The following ARHGAP32 variants were observed in gnomAD, a reference collection of about 807,000 sequenced individuals.
ARHGAP32 encodes the protein rho GTPase-activating protein 32.
In ARHGAP32, 51 loss-of-function variants were observed where a neutral mutation model predicts 186.5. The observed-to-expected ratio is 0.27, with a 90% CI of 0.22 to 0.35. ARHGAP32 has a LOEUF of 0.35. Among genes scored for constraint, ARHGAP32 ranks in the 10% least tolerant of loss-of-function variants. The pLI is 1.00. For synonymous variants in ARHGAP32, 950 were observed against 964.3 expected, an observed-to-expected ratio of 0.99 and a Z score of 0.27; for missense variants, 2,186 against 2,623.5, an observed-to-expected ratio of 0.83 and a Z score of 3.64.
chr11:129,245,916 T>C (rs1945090351), intron 1 of ARHGAP32, among the ~76,000 whole-genome samples: 1 of 152,144 alleles, frequency 6.6e-6, no homozygotes, highest in South Asian at 2.1e-4. Flanking sequence ...TATTGGAAGT[T>C]ATTTCACAGT....
intron 19 of ARHGAP32, 81 bp downstream of exon 19, chr11:128,978,689 T>C (rs1945622670): frequency 7.7e-6 from 11 of 1,434,090 alleles, no homozygotes; most frequent in Non-Finnish European, 1.0e-5. Flanking sequence ...AAGCAGATCA[T>C]AACAATATGT....
At chr11:129,252,027 A>G (rs773549585) in intron 1 of ARHGAP32, among the ~76,000 whole-genome samples, 16 of 152,032 alleles carry the variant, frequency 1.1e-4, no homozygotes, top group Non-Finnish European at 2.2e-4. Context: ...AGTAAATAAT[A>G]ATATCAACTA....
Position 128,972,853 on chromosome 11 carries a change from G to A in ARHGAP32, c.3653C>T (p.Pro1218Leu), listed in dbSNP as rs779839708. 30 of 1,613,882 alleles carry A rather than the reference G, an allele frequency of 1.9e-5. No individual in the cohort carries two copies. The highest frequency in any genetic ancestry group is 2.4e-5 in the Non-Finnish European group (28 of 1,180,022). The stretch of plus-strand genomic sequence containing the variant: ...CTGATCTCCACTGTAGAAACGGGGT[G>A]GAGACTGGTCCTGATCCAAGAAGGA... ...TVSFLDQDQS[P>L]PRFYSGDQPP... Residue 1218 changes from proline to leucine, a missense_variant, in exon 22 of 23, where the codon CCA (proline) becomes CTA (leucine). Around this residue, in one of 5 missense-constraint regions of ARHGAP32, gnomAD observed 1,502 missense variants for 1,570.0 expected, o/e 0.96. Transcript: ENST00000682385.
chr11:129,096,012 T>C (rs1443060011), intron 5 of ARHGAP32, among the ~76,000 whole-genome samples: 2 of 152,150 alleles, frequency 1.3e-5, no homozygotes, highest in Admixed American at 1.3e-4. Flanking sequence ...CAAATACAGA[T>C]CAGCCTGATG....
chr11:128,982,015 C>A, intron 15 of ARHGAP32, 79 bp from the exon 16 acceptor site: 1 of 924,136 alleles, frequency 1.1e-6, no homozygotes, highest in Admixed American at 3.0e-5. Context: ...TAATTAATTC[C>A]TAAGTTTGCA....
chr11:129,051,092 G>T (rs143207009), intron 10 of ARHGAP32, among the ~76,000 whole-genome samples: 339 of 152,294 alleles, frequency 2.2e-3, no homozygotes, highest in African/African-American at 8.0e-3. Flanking sequence ...GAACAATGCT[G>T]CAATAAACAT....
intron 1 of ARHGAP32, among the ~76,000 whole-genome samples, chr11:129,212,855 T>G (rs1361293953): frequency 6.6e-6 from 1 of 151,972 alleles, no homozygotes; most frequent in African/African-American, 2.4e-5. Flanking sequence ...CAAAATAAGT[T>G]TTTTTTTAAA....
chr11:129,078,327 T>C (rs1011404455), intron 6 of ARHGAP32, among the ~76,000 whole-genome samples: 1 of 152,070 alleles, frequency 6.6e-6, no homozygotes, highest in Non-Finnish European at 1.5e-5. Context: ...AGCCAAGATC[T>C]TTCCTCTGAC....
At chr11:129,256,351 G>C (rs1294869851) in intron 1 of ARHGAP32, among the ~76,000 whole-genome samples, 5 of 152,124 alleles carry the variant, frequency 3.3e-5, no homozygotes. Context: ...GGTATGGAGG[G>C]AGATAAGGTC....
At chr11:129,099,545 G>A (rs919302474) in intron 5 of ARHGAP32, among the ~76,000 whole-genome samples, 3 of 152,112 alleles carry the variant, frequency 2.0e-5, no homozygotes, top group Non-Finnish European at 2.9e-5. Flanking sequence ...GGTGGTTACA[G>A]GAGATACACT....
chr11:129,086,594 G>T (rs1158585364), intron 6 of ARHGAP32, among the ~76,000 whole-genome samples: 1 of 152,074 alleles, frequency 6.6e-6, no homozygotes, highest in Non-Finnish European at 1.5e-5. Flanking sequence ...GGCCAAGGCG[G>T]GCGGATCACA....
At chr11:129,108,196 G>A (rs1942102824) in intron 5 of ARHGAP32, among the ~76,000 whole-genome samples, 1 of 152,164 alleles carries the variant, frequency 6.6e-6, no homozygotes, top group South Asian at 2.1e-4. Flanking sequence ...ACAATCATAA[G>A]GCAGAGATGG....
chr11:129,112,850 T>C (rs773786812), intron 5 of ARHGAP32, among the ~76,000 whole-genome samples: 1 of 152,170 alleles, frequency 6.6e-6, no homozygotes, highest in Admixed American at 6.5e-5. Context: ...GCCCTTCTTA[T>C]AGCAATCCTG....
chr11:129,229,370 A>T (rs938092262), intron 1 of ARHGAP32, among the ~76,000 whole-genome samples: 18 of 152,074 alleles, frequency 1.2e-4, no homozygotes, highest in African/African-American at 4.3e-4. Context: ...AATATATACA[A>T]ATTATATTAT....
At chr11:129,273,913 C>CGAA (rs1410566995) in intron 1 of ARHGAP32, among the ~76,000 whole-genome samples, 1 of 151,686 alleles carries the variant, frequency 6.6e-6, no homozygotes, top group Non-Finnish European at 1.5e-5. Flanking sequence ...GAATGGTTCA[C>CGAA]ACATGCTTTT....
chr11:128,999,686 C>T (rs565532263), intron 11 of ARHGAP32, among the ~76,000 whole-genome samples: 25 of 152,150 alleles, frequency 1.6e-4, no homozygotes, highest in African/African-American at 4.6e-4. Flanking sequence ...TTAGACCAGC[C>T]GACACTTTGG....
intron 6 of ARHGAP32, among the ~76,000 whole-genome samples, chr11:129,093,240 A>C (rs1198096202): frequency 6.6e-6 from 1 of 152,056 alleles, no homozygotes; most frequent in Non-Finnish European, 1.5e-5. Context: ...TCTTTCCTTT[A>C]GTCTTAATAA....
intron 6 of ARHGAP32, among the ~76,000 whole-genome samples, chr11:129,070,867 C>T (rs1940845561): frequency 1.3e-5 from 2 of 151,872 alleles, no homozygotes; most frequent in Non-Finnish European, 1.5e-5. Context: ...CTTTCATTTG[C>T]CTTTTATTGA....
Position 128,974,714 on chromosome 11 carries a change from C to T in ARHGAP32, c.2483G>A (p.Ser828Asn). Residue 828 changes from serine to asparagine, a missense_variant, in exon 21 of 23, where the codon AGT (serine) becomes AAT (asparagine). Coordinates refer to ENST00000682385, the MANE Select transcript of ARHGAP32 (RefSeq NM_001378024.1). ...TGGTGAATCTAAAAAGGAAGCACCACTCTCCAGACATTCTGATTCGGCCTT... is the reference window on the plus strand; with the variant it reads ...TGGTGAATCTAAAAAGGAAGCACCATTCTCCAGACATTCTGATTCGGCCTT... The part of the protein sequence containing the change: ...PPKAESECLE[S>N]GASFLDSPGY... The T allele has an allele frequency of 1.2e-6, 2 of 1,614,186 alleles. No individual in the cohort carries two copies. Among genetic ancestry groups the T allele is most frequent in the Non-Finnish European group, 1.7e-6 (2 of 1,180,036 alleles).
Sources: gnomAD v4.1 joint callset for allele counts (sites outside exome capture counted in the v4.1 genomes callset) on GRCh38, gnomAD v4.1.1 for gene constraint, gnomAD v4.1.1 regional missense constraint, MANE v1.5 for transcripts, NCBI Gene and HGNC (gene_info 2026-07-23, HGNC 2026-07-21) for gene names.